The following ONECUT2 variants were observed in gnomAD, a reference collection of about 807,000 sequenced individuals.
The protein encoded by ONECUT2 is one cut domain family member 2.
A neutral mutation model predicts 27.9 loss-of-function variants in ONECUT2; 10 were observed. The observed-to-expected ratio is 0.36, with a 90% CI of 0.22 to 0.61. The LOEUF is 0.61. ONECUT2 is among the 20% of genes least tolerant of loss of function. The probability of loss-of-function intolerance (pLI) is 0.73; values close to 1 mark genes in which losing one functional copy is unlikely to be tolerated. For missense variants in ONECUT2, 686 were observed against 721.0 expected (o/e 0.95, Z 0.56); for synonymous variants, 334 against 315.1 (o/e 1.06, Z -0.64).
Position 57,474,929 on chromosome 18 carries a change from A to G in ONECUT2, c.1229-1508A>G, listed in dbSNP as rs567147709. 4.6e-5 allele frequency among the ~76,000 whole-genome samples: 7 copies of G among 152,322 alleles called. No homozygotes were observed. In the East Asian group the frequency reaches 1.3e-3, roughly 29 times the overall value. The stretch of plus-strand genomic sequence containing the variant: ...TTCTCAACCTCTGGCCAGAATATCC[A>G]GTAGGATGGATTCTGAGGGCGACTG... On this transcript the variant is annotated intron_variant, in intron 1 of 1. Transcript: ENST00000491143.
chr18:57,467,351 T>G (rs1428278159), intron 1 of ONECUT2: 1 of 277,332 alleles, frequency 3.6e-6, no homozygotes, highest in Non-Finnish European at 7.5e-6. Flanking sequence ...TTTGGTTTTT[T>G]TTTTGTTTGT....
chr18:57,441,664 CT>C (rs953448374), intron 1 of ONECUT2, among the ~76,000 whole-genome samples: 3 of 152,276 alleles, frequency 2.0e-5, no homozygotes, highest in African/African-American at 7.2e-5. Context: ...CCACTGGGCC[CT>C]GGTGACTAAG....
At chr18:57,473,971 C>G (rs2050368120) in intron 1 of ONECUT2, among the ~76,000 whole-genome samples, 1 of 152,240 alleles carries the variant, frequency 6.6e-6, no homozygotes, top group African/African-American at 2.4e-5. Context: ...CCCTTTCTGT[C>G]TGAGTTCCCA....
chr18:57,464,917 A>G (rs1240425137), intron 1 of ONECUT2, among the ~76,000 whole-genome samples: 1 of 152,194 alleles, frequency 6.6e-6, no homozygotes, highest in Non-Finnish European at 1.5e-5. Context: ...AGTTATTTTC[A>G]TAGAAAATAT....
chr18:57,474,506 G>A (rs1357557066), intron 1 of ONECUT2, among the ~76,000 whole-genome samples: 2 of 152,198 alleles, frequency 1.3e-5, no homozygotes, highest in Non-Finnish European at 2.9e-5. Context: ...TCAGGCGATA[G>A]TCTGTGTCCT....
chr18:57,487,432 T>A lies in ONECUT2; in HGVS notation c.*10709T>A, dbSNP rs574119870. 3 of 152,158 alleles carry A rather than the reference T, an allele frequency of 2.0e-5. No individual in the cohort carries two copies. The highest frequency in any genetic ancestry group is 4.4e-5 in the Non-Finnish European group (3 of 68,034). The allele number at this position is 152,158 out of a possible 1,614,324, so 9.4% of individuals were successfully genotyped here. A position where few individuals can be genotyped will look rare whatever the true frequency, so the allele number is the denominator to read the frequency against. ...CCATGTATATGTAGATGCAAATTCA[T>A]CTAGCTGTGGCCCTCTTTGATCTCT... On this transcript the variant is annotated 3_prime_UTR_variant, in exon 2 of 2. Coordinates refer to ENST00000491143, the MANE Select transcript of ONECUT2 (RefSeq NM_004852.3).
At chr18:57,461,258 G>A (rs1194562540) in intron 1 of ONECUT2, among the ~76,000 whole-genome samples, 1 of 151,732 alleles carries the variant, frequency 6.6e-6, no homozygotes, top group Non-Finnish European at 1.5e-5. Context: ...GTTATGTGTT[G>A]CTGCATGTAG....
intron 1 of ONECUT2, among the ~76,000 whole-genome samples, chr18:57,445,831 A>G (rs963991064): frequency 1.3e-5 from 2 of 152,276 alleles, no homozygotes; most frequent in African/African-American, 4.8e-5. Flanking sequence ...AAAGCAAAGC[A>G]CAGTAACTGC....
intron 1 of ONECUT2, among the ~76,000 whole-genome samples, chr18:57,471,284 C>CT (rs1022367391): frequency 1.3e-5 from 2 of 152,136 alleles, no homozygotes; most frequent in African/African-American, 4.8e-5. Flanking sequence ...AGCTGAGCTC[C>CT]TAGAACGCCC....
chr18:57,440,736 G>A (rs1050923074), intron 1 of ONECUT2, among the ~76,000 whole-genome samples: 1 of 152,160 alleles, frequency 6.6e-6, no homozygotes, highest in South Asian at 2.1e-4. Flanking sequence ...TGGGTGACAC[G>A]GGCCGCTGGG....
rs58738314 is a variant in ONECUT2, at chr18:57,488,902, C to CA, written c.*12179_*12180insA. 3 of 151,620 alleles carry CA rather than the reference C, an allele frequency of 2.0e-5. No individual in the cohort carries two copies. The highest frequency in any genetic ancestry group is 4.4e-5 in the Non-Finnish European group (3 of 67,788). The allele number at this position is 151,620 out of a possible 1,614,324, so 9.4% of individuals were successfully genotyped here. A position where few individuals can be genotyped will look rare whatever the true frequency, so the allele number is the denominator to read the frequency against. On this transcript the variant is annotated 3_prime_UTR_variant, in exon 2 of 2. Transcript: ENST00000491143. ...GGCCAAAAATCTCTAACCTCACTCT[C>CA]TCTGGACTCCAACACTTCCCTGCAA... is the stretch of plus-strand genomic sequence containing the variant.
In ONECUT2 at chr18:57,435,993, A is replaced by ACGGCGGCAGCGGCGGCAG; in HGVS notation, c.285_302dup (p.Ala96_Ala101dup). ...TCCAACCGCGCACCAGGAGCTGGGC[A>ACGGCGGCAGCGGCGGCAG]CGGCGGCAGCGGCGGCAGCGGCGGC... is the stretch of plus-strand genomic sequence containing the variant. On this transcript the variant is annotated inframe_insertion, in exon 1 of 2. Transcript: ENST00000491143. 1 of 1,507,818 alleles carries ACGGCGGCAGCGGCGGCAG rather than the reference A, an allele frequency of 6.6e-7. No individual in the cohort carries two copies. The highest frequency in any genetic ancestry group is 2.5e-5 in the East Asian group (1 of 40,768). 93.4% of individuals were successfully genotyped at this position (1,507,818 alleles called of 1,614,324 possible).
chr18:57,467,364 G>GT, intron 1 of ONECUT2: 1 of 256,442 alleles, frequency 3.9e-6, no homozygotes, highest in South Asian at 2.7e-5. Context: ...TTGTTTGTTT[G>GT]TTTGTTTGTT....
rs2050430596 is a variant in ONECUT2, at chr18:57,484,713, A to G, written c.*7990A>G. The G allele has an allele frequency of 6.6e-6, 1 of 152,250 alleles. No homozygotes were observed. The highest frequency in any genetic ancestry group is 1.5e-5 in the Non-Finnish European group (1 of 68,078). 9.4% of individuals were successfully genotyped at this position (152,250 alleles called of 1,614,324 possible). On this transcript the variant is annotated 3_prime_UTR_variant, in exon 2 of 2. Coordinates refer to ENST00000491143, the MANE Select transcript of ONECUT2 (RefSeq NM_004852.3). ...TGAGCTGGAAGAGACCTTAGGAATC[A>G]TTTAGTCCAAGCCCCGGTGGCCCAG...
In ONECUT2 at chr18:57,436,502, C is replaced by T. The variant is rs749300131; in HGVS notation, c.786C>T (p.Phe262=). Residue 262 remains phenylalanine (F), a synonymous_variant, in exon 1 of 2, where the codon TTC becomes TTT. Transcript: ENST00000491143. The surrounding 1 kb of genome is among the most constrained non-coding windows in gnomAD (Gnocchi z 5.9). ...PGHDKMLSPN[F]DAHHTAMLTR... is the part of the protein sequence containing the mutation. The stretch of plus-strand genomic sequence containing the variant: ...ACGACAAAATGCTCAGCCCCAACTT[C>T]GACGCGCACCACACTGCCATGCTGA... 6.2e-7 allele frequency: 1 copy of T among 1,613,370 alleles called. No homozygotes were observed. The highest frequency in any genetic ancestry group is 8.5e-7 in the Non-Finnish European group (1 of 1,179,900).
intron 1 of ONECUT2, among the ~76,000 whole-genome samples, chr18:57,453,261 A>G (rs1190301564): frequency 3.9e-5 from 6 of 152,192 alleles, no homozygotes; most frequent in Non-Finnish European, 8.8e-5. Flanking sequence ...AGGTGATCAC[A>G]TTGATTTCCA....
At chr18:57,441,089 A>G (rs940613826) in intron 1 of ONECUT2, among the ~76,000 whole-genome samples, 3 of 152,220 alleles carry the variant, frequency 2.0e-5, no homozygotes, top group Non-Finnish European at 4.4e-5. Flanking sequence ...GAGCAGGAGA[A>G]GCAGCCCAGG....
chr18:57,468,653 G>T (rs1215867140), intron 1 of ONECUT2, among the ~76,000 whole-genome samples: 1 of 152,168 alleles, frequency 6.6e-6, no homozygotes, highest in African/African-American at 2.4e-5. Context: ...GAGCTGCTTA[G>T]AGCCTGAGCC....
intron 1 of ONECUT2, among the ~76,000 whole-genome samples, chr18:57,475,800 T>C (rs571920009): frequency 1.9e-4 from 29 of 152,220 alleles, no homozygotes; most frequent in Non-Finnish European, 1.2e-4. Context: ...CAAATGAGAA[T>C]TGGCTAAACC....
Sources: gnomAD v4.1 joint callset for allele counts (sites outside exome capture counted in the v4.1 genomes callset) on GRCh38, gnomAD v4.1.1 for gene constraint, Gnocchi (gnomAD v3.1) non-coding constraint, MANE v1.5 for transcripts, NCBI Gene and HGNC (gene_info 2026-07-23, HGNC 2026-07-21) for gene names.